The following FRMD6 variants were observed in gnomAD, a reference collection of about 807,000 sequenced individuals.
The protein encoded by FRMD6 is FERM domain containing 6, also known as FERM domain-containing protein 6.
Under a neutral mutation model 73.2 loss-of-function variants are expected in FRMD6, and 37 were observed. That is an observed-to-expected ratio of 0.51 (90% confidence interval 0.39 to 0.66). FRMD6 has a LOEUF of 0.66. Among genes scored for constraint, FRMD6 ranks in the 30% least tolerant of loss-of-function variants. FRMD6 has a pLI of 0.00. For missense variants in FRMD6, 714 were observed against 780.5 expected (o/e 0.91, Z 1.02); for synonymous variants, 273 against 282.2 (o/e 0.97, Z 0.33).
intron 1 of FRMD6, among the ~76,000 whole-genome samples, chr14:51,496,633 A>G (rs1038864015): frequency 1.3e-5 from 2 of 152,226 alleles, no homozygotes; most frequent in African/African-American, 4.8e-5. Context: ...GCCACATTCT[A>G]TTGGGTAAAA....
At chr14:51,619,968 C>A (rs946516074) in intron 2 of FRMD6, among the ~76,000 whole-genome samples, 2 of 152,186 alleles carry the variant, frequency 1.3e-5, no homozygotes, top group African/African-American at 2.4e-5. Flanking sequence ...CAGAGCCACC[C>A]ATACCTTGTT....
the FRMD6 span, among the ~76,000 whole-genome samples, chr14:51,449,153 A>G: frequency 6.6e-6 from 1 of 152,212 alleles, no homozygotes; most frequent in African/African-American, 2.4e-5. Context: ...ACAGTCATGC[A>G]CAGGCAGGGT....
chr14:51,568,492 T>C (rs564191720), intron 1 of FRMD6, among the ~76,000 whole-genome samples: 1 of 152,326 alleles, frequency 6.6e-6, no homozygotes, highest in East Asian at 1.9e-4. Context: ...GAGAGGTGAC[T>C]AAGAAATGGC....
At chr14:51,521,942 A>T (rs1884978809) in intron 1 of FRMD6, among the ~76,000 whole-genome samples, 1 of 152,170 alleles carries the variant, frequency 6.6e-6, no homozygotes, top group South Asian at 2.1e-4. Flanking sequence ...CAGGCTACAT[A>T]TTTATGTAAC....
At chr14:51,717,649 C>T (rs995471997) in intron 10 of FRMD6, among the ~76,000 whole-genome samples, 2 of 152,150 alleles carry the variant, frequency 1.3e-5, no homozygotes, top group African/African-American at 4.8e-5. Context: ...AATTAAGTTT[C>T]TCTGGGTCAA....
At chr14:51,417,136 C>A in the FRMD6 span, among the ~76,000 whole-genome samples, 2 of 152,132 alleles carry the variant, frequency 1.3e-5, no homozygotes, top group African/African-American at 2.4e-5. Flanking sequence ...TTAATTGAGG[C>A]ATTTAGCCCA....
intron 1 of FRMD6, among the ~76,000 whole-genome samples, chr14:51,492,910 A>G (rs1397987438): frequency 1.3e-5 from 2 of 152,192 alleles, no homozygotes; most frequent in African/African-American, 4.8e-5. Flanking sequence ...CCCTTATTCC[A>G]TGCTGCGTCC....
chr14:51,696,159 CAAAT>C (rs952831975), intron 2 of FRMD6, among the ~76,000 whole-genome samples: 5 of 151,278 alleles, frequency 3.3e-5, no homozygotes, highest in Admixed American at 2.0e-4. Context: ...TTTTAATACA[CAAAT>C]AAGCTGTGAG....
the FRMD6 span, among the ~76,000 whole-genome samples, chr14:51,474,482 T>A: frequency 4.3e-4 from 66 of 152,260 alleles, no homozygotes; most frequent in African/African-American, 1.6e-3. Flanking sequence ...TCAGTGGGGC[T>A]GGTGGGGCCG....
At chr14:51,459,884 C>CTTTT in the FRMD6 span, among the ~76,000 whole-genome samples, 65 of 74,642 alleles carry the variant, frequency 8.7e-4, 7 homozygotes, top group African/African-American at 2.6e-3. Flanking sequence ...TACTGACTCT[C>CTTTT]TTTTTTTTTT....
intron 2 of FRMD6, among the ~76,000 whole-genome samples, chr14:51,597,475 T>G (rs1237398178): frequency 1.3e-5 from 2 of 151,824 alleles, no homozygotes; most frequent in Non-Finnish European, 1.5e-5. Flanking sequence ...GGAACAGGAG[T>G]GAGCAGAGGC....
At chr14:51,684,450 T>G (rs1895016500) in intron 1 of FRMD6, among the ~76,000 whole-genome samples, 1 of 152,242 alleles carries the variant, frequency 6.6e-6, no homozygotes, top group East Asian at 1.9e-4. Flanking sequence ...AGTTTAGCAC[T>G]CAGTTGCTAA....
At chr14:51,500,041 T>A (rs1883516521) in intron 1 of FRMD6, among the ~76,000 whole-genome samples, 1 of 152,162 alleles carries the variant, frequency 6.6e-6, no homozygotes, top group African/African-American at 2.4e-5. Flanking sequence ...ACATCAAGAC[T>A]TACGATTTTG....
intron 1 of FRMD6, among the ~76,000 whole-genome samples, chr14:51,562,663 G>A (rs777768865): frequency 9.2e-5 from 14 of 152,142 alleles, no homozygotes; most frequent in African/African-American, 1.7e-4. Flanking sequence ...AATGGGTTGG[G>A]AGAATATATT....
intron 1 of FRMD6, among the ~76,000 whole-genome samples, chr14:51,510,839 A>G (rs570884891): frequency 5.3e-5 from 8 of 152,222 alleles, no homozygotes; most frequent in Admixed American, 3.9e-4. Context: ...TGCAGCAACA[A>G]TGCGTGTGAT....
intron 2 of FRMD6, 104 bp downstream of exon 2, chr14:51,690,039 A>G (rs1895435102): frequency 2.5e-6 from 2 of 784,804 alleles, no homozygotes; most frequent in East Asian, 2.7e-5. Flanking sequence ...GAATTAGGGC[A>G]GTAATCATGT....
At chr14:51,426,288 C>A in the FRMD6 span, among the ~76,000 whole-genome samples, 2 of 152,114 alleles carry the variant, frequency 1.3e-5, no homozygotes. Context: ...CCCTCCAGAT[C>A]CTCCACCTAG....
intron 1 of FRMD6, among the ~76,000 whole-genome samples, chr14:51,503,681 GTT>G (rs111966123): frequency 9.2e-5 from 13 of 140,972 alleles, no homozygotes; most frequent in East Asian, 2.0e-4. Context: ...GAAGTTTTTT[GTT>G]TTTTTTTTTT....
intron 2 of FRMD6, among the ~76,000 whole-genome samples, chr14:51,609,533 A>G (rs1269720949): frequency 6.6e-6 from 1 of 152,224 alleles, no homozygotes; most frequent in Non-Finnish European, 1.5e-5. Flanking sequence ...AAGCAAATTC[A>G]CCAGGCAGAG....
Sources: allele counts gnomAD v4.1 joint callset (sites outside exome capture counted in the v4.1 genomes callset), GRCh38; gene constraint gnomAD v4.1.1; transcripts MANE v1.5; gene names NCBI Gene and HGNC (gene_info 2026-07-23, HGNC 2026-07-21).